NEDD4: variants seen among roughly 807,000 people sequenced by gnomAD.
NEDD4 encodes the protein NEDD4 E3 ubiquitin protein ligase.
In NEDD4, 99 loss-of-function variants were observed where a neutral mutation model predicts 144.9. The observed-to-expected ratio is 0.68, with a 90% confidence interval of 0.58 to 0.81. The LOEUF is 0.81. Among genes scored for constraint, NEDD4 ranks in the 30% least tolerant of loss-of-function variants. The pLI is 0.00. For missense variants in NEDD4, 985 were observed against 1,065.9 expected (o/e 0.92, Z 1.06); for synonymous variants, 318 against 350.6 (o/e 0.91, Z 1.04).
chr15:55,885,017 C>A (rs2035335468), intron 5 of NEDD4, among the ~76,000 whole-genome samples: 1 of 152,094 alleles, frequency 6.6e-6, no homozygotes, highest in Non-Finnish European at 1.5e-5. Context: ...ACAAAACTCC[C>A]ACAGGTCAGG....
chr15:55,949,625 A>G (rs150776157), intron 4 of NEDD4, among the ~76,000 whole-genome samples: 29 of 152,340 alleles, frequency 1.9e-4, no homozygotes, highest in African/African-American at 6.7e-4. Context: ...GCAGCCATAC[A>G]AAAGGATGAG....
intron 2 of NEDD4, among the ~76,000 whole-genome samples, chr15:55,963,391 T>C (rs28778631): frequency 0.31 from 47,184 of 151,966 alleles, 7,442 homozygotes; most frequent in South Asian, 0.38. Context: ...TTATTTAGTT[T>C]TTCAACAACT....
intron 4 of NEDD4, among the ~76,000 whole-genome samples, chr15:55,948,730 C>A (rs1477540648): frequency 6.6e-6 from 1 of 152,122 alleles, no homozygotes; most frequent in East Asian, 1.9e-4. Context: ...ATAAATGGTG[C>A]TGGGAAAACT....
intron 1 of NEDD4, among the ~76,000 whole-genome samples, chr15:55,978,643 T>C (rs2037744718): frequency 6.6e-6 from 1 of 152,182 alleles, no homozygotes; most frequent in Non-Finnish European, 1.5e-5. Flanking sequence ...GACAAAATTA[T>C]ACCAGACCAG....
At chr15:55,892,360 T>G (rs1421265528) in intron 5 of NEDD4, among the ~76,000 whole-genome samples, 1 of 151,484 alleles carries the variant, frequency 6.6e-6, no homozygotes, top group Non-Finnish European at 1.5e-5. Context: ...AGGGCAAATC[T>G]ACTGTAAAAG....
intron 1 of NEDD4, among the ~76,000 whole-genome samples, chr15:55,968,488 A>T (rs1354804212): frequency 7.3e-3 from 1,111 of 152,302 alleles, no homozygotes; most frequent in African/African-American, 0.026. Context: ...AGACATATCT[A>T]AAATATCTAC....
At chr15:55,988,231 A>C (rs1389570014) in intron 1 of NEDD4, among the ~76,000 whole-genome samples, 1 of 130,104 alleles carries the variant, frequency 7.7e-6, no homozygotes, top group African/African-American at 3.0e-5. Flanking sequence ...AGAACAAAAA[A>C]CCAAACACCG....
At position 55,834,300 on chromosome 15, in the gene NEDD4, G is replaced by A. The variant is rs1414140753; in HGVS notation, c.2263-14C>T. On this transcript the variant is annotated splice_polypyrimidine_tract_variant and intron_variant, in intron 24 of 28. Coordinates refer to ENST00000435532, the MANE Select transcript of NEDD4 (RefSeq NM_006154.4). ...TTCAAAGAATCCCTAGAAAAAAGAT[G>A]TATTTAAAAACTTGATGGGCAGGGC... 1.3e-6 allele frequency: 2 copies of A among 1,582,348 alleles called. No homozygotes were observed. The highest frequency in any genetic ancestry group is 1.7e-6 in the Non-Finnish European group (2 of 1,153,912).
At chr15:55,861,557 CA>C (rs2034409068) in intron 9 of NEDD4, among the ~76,000 whole-genome samples, 1 of 152,000 alleles carries the variant, frequency 6.6e-6, no homozygotes, top group South Asian at 2.1e-4. Flanking sequence ...TTGTTTGTAA[CA>C]AAAAGGATAA....
At chr15:55,991,562 A>G (rs1473659298) in intron 1 of NEDD4, among the ~76,000 whole-genome samples, 1 of 152,248 alleles carries the variant, frequency 6.6e-6, no homozygotes, top group Non-Finnish European at 1.5e-5. Context: ...ACTCTTCATC[A>G]TCATGTCTCT....
At chr15:55,842,673 C>T (rs886284445) in intron 18 of NEDD4, among the ~76,000 whole-genome samples, 8 of 152,206 alleles carry the variant, frequency 5.3e-5, no homozygotes, top group Admixed American at 2.0e-4. Context: ...CCATGGCACC[C>T]GGCCTAAAGA....
chr15:55,915,656 T>C, intron 5 of NEDD4: 1 of 1,613,896 alleles, frequency 6.2e-7, no homozygotes, highest in Non-Finnish European at 8.5e-7. Context: ...CACCATTTGT[T>C]GTTTCACAGT....
chr15:55,897,215 C>T (rs1485118969), intron 5 of NEDD4, among the ~76,000 whole-genome samples: 11 of 152,228 alleles, frequency 7.2e-5, no homozygotes, highest in Admixed American at 6.5e-5. Context: ...CCTCGTGATC[C>T]GCCCGCCTCG....
intron 5 of NEDD4, among the ~76,000 whole-genome samples, chr15:55,911,789 A>C (rs1337189247): frequency 6.6e-6 from 1 of 151,970 alleles, no homozygotes; most frequent in Non-Finnish European, 1.5e-5. Flanking sequence ...CGGCCTCCCA[A>C]AGTGCTGGGA....
chr15:55,892,099 C>T (rs998809371), intron 5 of NEDD4, among the ~76,000 whole-genome samples: 5 of 151,844 alleles, frequency 3.3e-5, no homozygotes, highest in African/African-American at 1.2e-4. Flanking sequence ...AACCCCGTCT[C>T]TACTAAAAAT....
chr15:55,945,334 T>C (rs1489547337), intron 4 of NEDD4, among the ~76,000 whole-genome samples: 1 of 152,084 alleles, frequency 6.6e-6, no homozygotes, highest in East Asian at 1.9e-4. Context: ...CTGATGGAGC[T>C]GAAAACCATG....
chr15:55,972,168 A>T (rs1447429431), intron 1 of NEDD4, among the ~76,000 whole-genome samples: 1 of 152,234 alleles, frequency 6.6e-6, no homozygotes, highest in Non-Finnish European at 1.5e-5. Context: ...AATAAGCGAT[A>T]AGAAATCATC....
At chr15:55,899,797 C>A (rs2142150668) in intron 5 of NEDD4, among the ~76,000 whole-genome samples, 1 of 152,324 alleles carries the variant, frequency 6.6e-6, no homozygotes, top group East Asian at 1.9e-4. Flanking sequence ...CCAGTGATCA[C>A]ATGTAGCTAT....
chr15:55,960,186 T>C (rs1595876553), intron 2 of NEDD4, among the ~76,000 whole-genome samples: 1 of 152,190 alleles, frequency 6.6e-6, no homozygotes, highest in Non-Finnish European at 1.5e-5. Flanking sequence ...TGGGTAATAT[T>C]GAGTGTCAAC....
Sources: gnomAD v4.1 joint callset for allele counts (sites outside exome capture counted in the v4.1 genomes callset) on GRCh38, gnomAD v4.1.1 for gene constraint, MANE v1.5 for transcripts, NCBI Gene and HGNC (gene_info 2026-07-23, HGNC 2026-07-21) for gene names.